Variants in SLC25A21 observed in about 807,000 individuals in gnomAD.
SLC25A21 encodes the protein mitochondrial 2-oxodicarboxylate carrier.
In SLC25A21, 47 loss-of-function variants were observed where a neutral mutation model predicts 43.8. The observed-to-expected ratio is 1.07, with a 90% CI of 0.85 to 1.37. SLC25A21 has a LOEUF of 1.37. Ranked by LOEUF, SLC25A21 falls within the 40% of genes most tolerant of loss-of-function variation. SLC25A21 has a pLI of 0.00. For synonymous variants in SLC25A21, 131 were observed against 121.3 expected (o/e 1.08, Z -0.52); for missense variants, 352 against 350.2 (o/e 1.00, Z -0.04).
chr14:37,082,669 C>T (rs1038096661), intron 1 of SLC25A21, among the ~76,000 whole-genome samples: 4 of 152,148 alleles, frequency 2.6e-5, no homozygotes, highest in African/African-American at 9.7e-5. Flanking sequence ...TCTTCCTTTT[C>T]CCCACCCATC....
intron 3 of SLC25A21, among the ~76,000 whole-genome samples, chr14:36,783,560 C>A (rs1277279400): frequency 6.6e-6 from 1 of 152,100 alleles, no homozygotes; most frequent in Non-Finnish European, 1.5e-5. Context: ...GAGAGCCAGG[C>A]ACTCACTCAG....
At chr14:37,003,073 C>T (rs1423726483) in intron 1 of SLC25A21, among the ~76,000 whole-genome samples, 1 of 152,152 alleles carries the variant, frequency 6.6e-6, no homozygotes, top group African/African-American at 2.4e-5. Flanking sequence ...CCAGCGGATG[C>T]CTGAAACCAC....
intron 3 of SLC25A21, among the ~76,000 whole-genome samples, chr14:36,753,736 A>T (rs1200511012): frequency 6.6e-6 from 1 of 152,208 alleles, no homozygotes; most frequent in Admixed American, 6.5e-5. Context: ...TTTCAGAACC[A>T]TAGCACTTCT....
chr14:37,171,295 AATG>A (rs778597135), intron 1 of SLC25A21, among the ~76,000 whole-genome samples: 83 of 152,200 alleles, frequency 5.5e-4, no homozygotes, highest in Non-Finnish European at 1.1e-3. Context: ...ATCATGACAT[AATG>A]ATAACCAGTC....
intron 5 of SLC25A21, among the ~76,000 whole-genome samples, chr14:36,726,793 A>G (rs1238221828): frequency 2.0e-5 from 3 of 152,238 alleles, no homozygotes; most frequent in Non-Finnish European, 2.9e-5. Flanking sequence ...CTCCAATTCC[A>G]GGACAAGAGG....
intron 3 of SLC25A21, among the ~76,000 whole-genome samples, chr14:36,779,284 T>A (rs929109281): frequency 6.8e-6 from 1 of 146,220 alleles, no homozygotes; most frequent in East Asian, 2.0e-4. Context: ...AGAATTCTTA[T>A]ATATCATATT....
chr14:36,695,620 C>T (rs1882984215), intron 7 of SLC25A21, among the ~76,000 whole-genome samples: 1 of 152,088 alleles, frequency 6.6e-6, no homozygotes, highest in Non-Finnish European at 1.5e-5. Flanking sequence ...TTGAAGAGGT[C>T]CTTCACATTC....
chr14:36,909,446 C>T (rs1372770735), intron 1 of SLC25A21, among the ~76,000 whole-genome samples: 1 of 152,172 alleles, frequency 6.6e-6, no homozygotes, highest in Non-Finnish European at 1.5e-5. Flanking sequence ...AAAGCGTATT[C>T]AACTGCACTG....
intron 1 of SLC25A21, among the ~76,000 whole-genome samples, chr14:36,918,441 G>A (rs1566737695): frequency 6.6e-6 from 1 of 152,138 alleles, no homozygotes; most frequent in Admixed American, 6.6e-5. Context: ...TTATTGAAAA[G>A]CTATTATTCT....
Position 36,981,023 on chromosome 14 carries a change from A to G in SLC25A21, c.71-106019T>C, listed in dbSNP as rs374232640. 0.016 allele frequency among the ~76,000 whole-genome samples: 2,404 copies of G among 151,138 alleles called. 137 individuals are homozygous for G. The East Asian group carries it at 0.21, about 13-fold the overall frequency. On this transcript the variant is annotated intron_variant, in intron 1 of 9. Coordinates refer to ENST00000331299, the MANE Select transcript of SLC25A21 (RefSeq NM_030631.4). ...CAAACAAACCCATCAAAAAGTGGGCAAAGTATATGAACAGACACTTCTCAA... is the reference window on the plus strand; with the variant it reads ...CAAACAAACCCATCAAAAAGTGGGCGAAGTATATGAACAGACACTTCTCAA...
At chr14:37,082,045 A>G (rs1255780141) in intron 1 of SLC25A21, among the ~76,000 whole-genome samples, 3 of 152,218 alleles carry the variant, frequency 2.0e-5, no homozygotes, top group African/African-American at 7.2e-5. Context: ...GGAGTACTAT[A>G]CAGTCACAAA....
At chr14:36,725,498 A>G in intron 6 of SLC25A21, 72 bp downstream of exon 6, 1 of 456,556 alleles carries the variant, frequency 2.2e-6, no homozygotes, top group East Asian at 6.9e-5. Flanking sequence ...TAAATAAATA[A>G]ATAAATAAAT....
intron 6 of SLC25A21, among the ~76,000 whole-genome samples, chr14:36,716,479 C>A (rs956462376): frequency 6.6e-6 from 1 of 152,094 alleles, no homozygotes; most frequent in African/African-American, 2.4e-5. Flanking sequence ...CTATAGTAAC[C>A]ATTTTACTGT....
At chr14:37,067,980 C>T (rs1962094686) in intron 1 of SLC25A21, among the ~76,000 whole-genome samples, 3 of 152,346 alleles carry the variant, frequency 2.0e-5, no homozygotes, top group African/African-American at 7.2e-5. Context: ...AAATCTAGCC[C>T]ACCATCTGTT....
intron 5 of SLC25A21, among the ~76,000 whole-genome samples, chr14:36,728,673 ACTT>A (rs1884695214): frequency 1.3e-5 from 2 of 152,282 alleles, no homozygotes; most frequent in East Asian, 3.9e-4. Context: ...AATAACAGAT[ACTT>A]CTTCTTGGAC....
intron 3 of SLC25A21, among the ~76,000 whole-genome samples, chr14:36,760,244 G>A (rs766686048): frequency 1.3e-4 from 20 of 151,878 alleles, no homozygotes; most frequent in Non-Finnish European, 2.5e-4. Context: ...CACAGACCAC[G>A]GCAAGGCCAA....
chr14:37,144,592 T>A (rs750407498), intron 1 of SLC25A21, among the ~76,000 whole-genome samples: 1 of 152,252 alleles, frequency 6.6e-6, no homozygotes, highest in Non-Finnish European at 1.5e-5. Flanking sequence ...AAAAAGAAGA[T>A]TATGTTAATG....
chr14:37,045,043 T>C (rs1357527588), intron 1 of SLC25A21, among the ~76,000 whole-genome samples: 2 of 152,202 alleles, frequency 1.3e-5, no homozygotes, highest in African/African-American at 4.8e-5. Context: ...CACTCTCCTC[T>C]TCCCACCCAT....
At chr14:36,987,386 T>C (rs1475295044) in intron 1 of SLC25A21, among the ~76,000 whole-genome samples, 1 of 152,126 alleles carries the variant, frequency 6.6e-6, no homozygotes, top group African/African-American at 2.4e-5. Context: ...TTTCCACTTA[T>C]TAAAATAATA....
Sources: allele counts gnomAD v4.1 joint callset (sites outside exome capture counted in the v4.1 genomes callset), GRCh38; gene constraint gnomAD v4.1.1; transcripts MANE v1.5; gene names NCBI Gene and HGNC (gene_info 2026-07-23, HGNC 2026-07-21).